Variants in MSN observed in about 807,000 individuals in gnomAD.
MSN encodes moesin, also known as epididymis luminal protein 70.
A neutral mutation model predicts 48.0 loss-of-function variants in MSN; 2 were observed. That is an observed-to-expected ratio of 0.04 (90% CI 0.02 to 0.13). The LOEUF (loss-of-function observed/expected upper bound fraction) is 0.13. MSN is among the 10% of genes least tolerant of loss of function. MSN has a pLI of 1.00. For synonymous variants in MSN, 146 were observed against 166.9 expected (o/e 0.87, Z 0.97); for missense variants, 267 against 470.1 (o/e 0.57, Z 3.99).
At chrX:65,715,763 A>G (rs1425529037) in intron 1 of MSN, among the ~76,000 whole-genome samples, 1 of 111,832 alleles carries the variant, frequency 8.9e-6, no homozygotes, top group Non-Finnish European at 1.9e-5. Context: ...GGATCATGTC[A>G]TCTGCAAACA....
chrX:65,714,568 T>C (rs997317565), intron 1 of MSN, among the ~76,000 whole-genome samples: 16 of 112,212 alleles, frequency 1.4e-4, no homozygotes, highest in Admixed American at 1.2e-3. Flanking sequence ...ATTTCTCTAA[T>C]GATGTAAATT....
chrX:65,667,892 C>T (rs754229248), intron 1 of MSN, 39 bp downstream of exon 1: 64 of 1,186,936 alleles, frequency 5.4e-5, no homozygotes, highest in Non-Finnish European at 7.2e-5. Flanking sequence ...CCCAATGGCT[C>T]TGGCTGAGCC....
intron 8 of MSN, among the ~76,000 whole-genome samples, chrX:65,735,950 A>T (rs943890525): frequency 5.4e-5 from 6 of 111,857 alleles, no homozygotes; most frequent in African/African-American, 1.6e-4. Context: ...GCCAAGGGAG[A>T]TAAGAAGGTT....
chrX:65,600,332 C>T (rs1215261067), intron 1 of MSN, among the ~76,000 whole-genome samples: 5 of 111,365 alleles, frequency 4.5e-5, no homozygotes, highest in East Asian at 2.8e-4. Flanking sequence ...CGTCTCCAGG[C>T]GTCTAAATGC....
chrX:65,646,288 T>C (rs1398150260), intron 1 of MSN, among the ~76,000 whole-genome samples: 6 of 112,084 alleles, frequency 5.4e-5, no homozygotes, highest in African/African-American at 9.7e-5. Flanking sequence ...CAGTTTTAAC[T>C]TCCTGATCTT....
chrX:65,678,288 C>T (rs1569461292), intron 1 of MSN, among the ~76,000 whole-genome samples: 1 of 111,267 alleles, frequency 9.0e-6, no homozygotes, highest in Non-Finnish European at 1.9e-5. Context: ...GTTTAGAGTC[C>T]TAATATGGGG....
chrX:65,662,488 C>A (rs933088644), intron 1 of MSN, among the ~76,000 whole-genome samples: 5 of 111,809 alleles, frequency 4.5e-5, no homozygotes, highest in African/African-American at 1.3e-4. Flanking sequence ...AGGCCTCATA[C>A]TTATAACCAT....
intron 1 of MSN, among the ~76,000 whole-genome samples, chrX:65,636,465 G>A (rs1472983167): frequency 9.0e-6 from 1 of 111,008 alleles, no homozygotes; most frequent in African/African-American, 3.3e-5. Context: ...GGCTGGGTGT[G>A]GTGGCTCATG....
intron 1 of MSN, among the ~76,000 whole-genome samples, chrX:65,645,180 C>T (rs2148371879): frequency 8.9e-6 from 1 of 111,822 alleles, no homozygotes; most frequent in Non-Finnish European, 1.9e-5. Context: ...TCAGGCTATC[C>T]TTCCCCAAGT....
At chrX:65,666,750 C>T (rs73629473), upstream of MSN, among the ~76,000 whole-genome samples, 1,547 of 111,368 alleles carry the variant, frequency 0.014, 25 homozygotes, top group African/African-American at 0.047. Flanking sequence ...CATGAGCCAC[C>T]GCACTCAGCC....
chrX:65,617,644 T>C (rs2070388527), intron 1 of MSN, among the ~76,000 whole-genome samples: 5 of 99,402 alleles, frequency 5.0e-5, no homozygotes, highest in South Asian at 4.7e-4. Flanking sequence ...TTGTTGATCC[T>C]TTCAAAAAAC....
intron 1 of MSN, among the ~76,000 whole-genome samples, chrX:65,662,286 T>C (rs2070829559): frequency 8.9e-6 from 1 of 112,579 alleles, no homozygotes; most frequent in Non-Finnish European, 1.9e-5. Context: ...AAAACTGTTC[T>C]AAAATTCACA....
At chrX:65,722,482 C>T (rs1324705431) in intron 2 of MSN, among the ~76,000 whole-genome samples, 1 of 108,652 alleles carries the variant, frequency 9.2e-6, no homozygotes, top group Non-Finnish European at 1.9e-5. Context: ...GGCTGGAGTG[C>T]AGTGGTGTGA....
chrX:65,621,916 C>T (rs1023272070), intron 1 of MSN, among the ~76,000 whole-genome samples: 2 of 111,473 alleles, frequency 1.8e-5, no homozygotes, highest in Non-Finnish European at 3.8e-5. Context: ...TTACTAATCA[C>T]CTTTCTGGAT....
intron 1 of MSN, among the ~76,000 whole-genome samples, chrX:65,589,445 C>T (rs755147318): frequency 4.5e-5 from 5 of 111,986 alleles, no homozygotes; most frequent in African/African-American, 1.3e-4. Flanking sequence ...GGCCAGTCAC[C>T]GTGACCACAC....
chrX:65,695,779 G>A (rs899896569), intron 1 of MSN, among the ~76,000 whole-genome samples: 11 of 106,670 alleles, frequency 1.0e-4, no homozygotes, highest in Non-Finnish European at 1.9e-4. Context: ...GGCACCTAAT[G>A]CCAAAGTGGT....
At chrX:65,591,539 A>G (rs1230285321) in intron 1 of MSN, among the ~76,000 whole-genome samples, 1 of 111,394 alleles carries the variant, frequency 9.0e-6, no homozygotes, top group African/African-American at 3.3e-5. Flanking sequence ...AGAGGGATGG[A>G]CCCCACTTTC....
At chrX:65,705,836 G>A (rs1018351367) in intron 1 of MSN, among the ~76,000 whole-genome samples, 4 of 111,818 alleles carry the variant, frequency 3.6e-5, no homozygotes, top group South Asian at 3.8e-4. Context: ...TGTCTCTGAC[G>A]CCCTCTGGAG....
chrX:65,625,014 C>T (rs1055241581), intron 1 of MSN: 8 of 111,780 alleles, frequency 7.2e-5, no homozygotes, highest in Non-Finnish European at 1.3e-4. Flanking sequence ...TAAGTATACT[C>T]TAACCTCCTT....
Sources: gnomAD v4.1 joint callset for allele counts (sites outside exome capture counted in the v4.1 genomes callset) on GRCh38, gnomAD v4.1.1 for gene constraint, MANE v1.5 for transcripts, NCBI Gene and HGNC (gene_info 2026-07-23, HGNC 2026-07-21) for gene names.